ROR1: variants seen among roughly 807,000 people sequenced by gnomAD.
ROR1 encodes ROR family WNT receptor 1.
ROR1 carries 19 observed loss-of-function variants against 78.8 expected under a neutral mutation model. The observed-to-expected ratio is 0.24, with a 90% CI of 0.17 to 0.35. ROR1 has a LOEUF of 0.35. ROR1 is among the 10% of genes least tolerant of loss of function. ROR1 has a pLI of 1.00. For synonymous variants in ROR1, 386 were observed against 433.6 expected (o/e 0.89, Z 1.36); for missense variants, 917 against 1,177.8 (o/e 0.78, Z 3.24).
intron 7 of ROR1, among the ~76,000 whole-genome samples, chr1:64,157,141 T>C (rs1289848714): frequency 6.6e-6 from 1 of 152,112 alleles, no homozygotes; most frequent in Non-Finnish European, 1.5e-5. Context: ...AAATTGCGTT[T>C]TGTTTTGTTT....
At chr1:64,073,681 G>A (rs1176929171) in intron 4 of ROR1, among the ~76,000 whole-genome samples, 1 of 152,200 alleles carries the variant, frequency 6.6e-6, no homozygotes, top group African/African-American at 2.4e-5. Flanking sequence ...TAGATCATTT[G>A]AAGATGGATT....
In ROR1 at chr1:63,827,463, A is replaced by T. The variant is rs140706674; in HGVS notation, c.91+52955A>T. ...TGTGGGTGGGGTTCTGAGGTAATCA[A>T]TACAAAGAAGAAGGTAAGAAATTGG... On this transcript the variant is annotated intron_variant, in intron 1 of 8. Coordinates refer to ENST00000371079, the MANE Select transcript of ROR1 (RefSeq NM_005012.4). 7.4e-3 allele frequency among the ~76,000 whole-genome samples: 1,126 copies of T among 152,238 alleles called. 13 individuals are homozygous for T. The highest frequency in any genetic ancestry group is 0.026 in the African/African-American group (1,089 of 41,540).
chr1:64,078,207 T>C (rs1647068322), intron 4 of ROR1, among the ~76,000 whole-genome samples: 1 of 152,194 alleles, frequency 6.6e-6, no homozygotes, highest in Non-Finnish European at 1.5e-5. Context: ...AGTAGTTTGA[T>C]TCTCTTCCTA....
In ROR1 at chr1:63,893,221, A is replaced by G. The variant is rs534214566; in HGVS notation, c.92-116084A>G. Among the ~76,000 whole-genome samples, 11 of 152,202 alleles carry G rather than the reference A, an allele frequency of 7.2e-5. No individual in the cohort carries two copies. The South Asian group carries it at 2.3e-3, about 32-fold the overall frequency. ...GGGAGGATTTTTGTATTGAGAGGGCAGTGAGGCGTGAAACCTCAGACTCCT... is the reference window on the plus strand; with the variant it reads ...GGGAGGATTTTTGTATTGAGAGGGCGGTGAGGCGTGAAACCTCAGACTCCT... On this transcript the variant is annotated intron_variant, in intron 1 of 8. Coordinates refer to ENST00000371079, the MANE Select transcript of ROR1 (RefSeq NM_005012.4).
At chr1:64,070,054 G>A (rs960510654) in intron 4 of ROR1, among the ~76,000 whole-genome samples, 3 of 151,974 alleles carry the variant, frequency 2.0e-5, no homozygotes, top group African/African-American at 7.3e-5. Context: ...CTGTCTCTAC[G>A]GTTTTGTCTA....
At chr1:63,871,276 G>A (rs140686740) in intron 1 of ROR1, among the ~76,000 whole-genome samples, 5 of 152,286 alleles carry the variant, frequency 3.3e-5, no homozygotes, top group African/African-American at 1.2e-4. Context: ...TGGAGTCTTT[G>A]AAACATGGTA....
chr1:64,038,097 AG>A (rs1418803767), intron 2 of ROR1, among the ~76,000 whole-genome samples: 1 of 152,110 alleles, frequency 6.6e-6, no homozygotes, highest in Non-Finnish European at 1.5e-5. Context: ...GAGGCCAAGG[AG>A]AGATGGGACA....
At chr1:63,989,194 G>T (rs1646275685) in intron 1 of ROR1, among the ~76,000 whole-genome samples, 1 of 136,688 alleles carries the variant, frequency 7.3e-6, no homozygotes. Flanking sequence ...AAACTCTTTA[G>T]CGTTGTAATG....
At chr1:63,943,111 A>C (rs527281913) in intron 1 of ROR1, among the ~76,000 whole-genome samples, 4 of 151,722 alleles carry the variant, frequency 2.6e-5, no homozygotes, top group African/African-American at 9.7e-5. Context: ...AAAAAAAAAA[A>C]AAAAAAGATT....
At chr1:63,993,507 A>C (rs1194407149) in intron 1 of ROR1, among the ~76,000 whole-genome samples, 1 of 152,212 alleles carries the variant, frequency 6.6e-6, no homozygotes, top group African/African-American at 2.4e-5. Flanking sequence ...ATGTATATTT[A>C]TACATGTAAG....
intron 8 of ROR1, among the ~76,000 whole-genome samples, chr1:64,161,597 A>G (rs528420566): frequency 6.6e-6 from 1 of 152,370 alleles, no homozygotes; most frequent in Admixed American, 6.5e-5. Context: ...TGTGAAATAT[A>G]CTGGCATGAG....
chr1:63,824,419 T>C (rs1007671830), intron 1 of ROR1, among the ~76,000 whole-genome samples: 37 of 152,200 alleles, frequency 2.4e-4, no homozygotes, highest in Admixed American at 3.9e-4. Context: ...ATATTATTTG[T>C]CTTTTTTTTT....
intron 1 of ROR1, among the ~76,000 whole-genome samples, chr1:63,910,223 C>A (rs922603135): frequency 6.6e-6 from 1 of 152,110 alleles, no homozygotes; most frequent in South Asian, 2.1e-4. Flanking sequence ...TTTCAGCTAG[C>A]TAAGTCAATT....
At chr1:63,904,702 T>C (rs1453182995) in intron 1 of ROR1, among the ~76,000 whole-genome samples, 1 of 152,194 alleles carries the variant, frequency 6.6e-6, no homozygotes, top group Non-Finnish European at 1.5e-5. Flanking sequence ...ATTTGACTGT[T>C]GTCCTTATAA....
intron 4 of ROR1, among the ~76,000 whole-genome samples, chr1:64,076,889 CT>C (rs1319981479): frequency 6.6e-6 from 1 of 152,118 alleles, no homozygotes; most frequent in African/African-American, 2.4e-5. Context: ...GGAACAGTTA[CT>C]TTTTTACTTA....
chr1:63,861,092 A>G (rs1569831447), intron 1 of ROR1, among the ~76,000 whole-genome samples: 1 of 152,280 alleles, frequency 6.6e-6, no homozygotes, highest in East Asian at 1.9e-4. Flanking sequence ...GCCAGAAAAT[A>G]AAAAGGTTTT....
chr1:64,054,408 C>T (rs193024071), intron 4 of ROR1, among the ~76,000 whole-genome samples: 1 of 152,310 alleles, frequency 6.6e-6, no homozygotes, highest in Non-Finnish European at 1.5e-5. Context: ...TCCCGAGTAG[C>T]TGGGACTACA....
At chr1:63,878,335 A>G (rs767452459) in intron 1 of ROR1, among the ~76,000 whole-genome samples, 3 of 152,146 alleles carry the variant, frequency 2.0e-5, no homozygotes, top group Non-Finnish European at 4.4e-5. Flanking sequence ...CTTTGACAAC[A>G]CCATTACCAT....
intron 1 of ROR1, among the ~76,000 whole-genome samples, chr1:63,856,394 T>C (rs527436519): frequency 3.3e-5 from 5 of 152,338 alleles, no homozygotes; most frequent in Admixed American, 3.3e-4. Context: ...CATGAGGTTT[T>C]CCAATCTGGA....
Sources: allele counts gnomAD v4.1 joint callset (sites outside exome capture counted in the v4.1 genomes callset), GRCh38; gene constraint gnomAD v4.1.1; transcripts MANE v1.5; gene names NCBI Gene and HGNC (gene_info 2026-07-23, HGNC 2026-07-21).